The following ZNF557 variants were observed in gnomAD, a reference collection of about 807,000 sequenced individuals.
The protein encoded by ZNF557 is CTB-25J19.9.
In ZNF557, 19 loss-of-function variants were observed where a neutral mutation model predicts 21.2. The observed-to-expected ratio is 0.90, with a 90% CI of 0.63 to 1.32. The LOEUF is 1.32. Among genes scored for constraint, ZNF557 ranks in the 40% most tolerant of loss-of-function variants. The pLI, the probability that ZNF557 is intolerant of heterozygous loss-of-function variation, is 0.00. For synonymous variants in ZNF557, 207 were observed against 194.8 expected, an observed-to-expected ratio of 1.06 and a Z score of -0.52; for missense variants, 487 against 519.8, an observed-to-expected ratio of 0.94 and a Z score of 0.61.
chr19:7,070,264 A>G (rs1382289891), intron 1 of ZNF557, among the ~76,000 whole-genome samples: 1 of 152,202 alleles, frequency 6.6e-6, no homozygotes, highest in Non-Finnish European at 1.5e-5. Context: ...TAAAGTGACG[A>G]ATTTAAAGCA....
In ZNF557 at chr19:7,083,477, T is replaced by C. The variant is rs1977764976; in HGVS notation, c.1026T>C (p.His342=). The change falls in exon 8 of 8, where the codon CAT becomes CAC. Residue 342 remains histidine, a synonymous_variant. Coordinates refer to ENST00000252840, the MANE Select transcript of ZNF557 (RefSeq NM_024341.3). The part of the protein sequence containing the change: ...RSNLTQHIRT[H]TGEKPYTCNE... ...ATCTGACACAGCACATAAGAACTCA[T>C]ACTGGAGAAAAACCCTACACATGTA... The C allele has an allele frequency of 6.2e-7, 1 of 1,614,064 alleles. No individual in the cohort carries two copies. The highest frequency in any genetic ancestry group is 1.3e-5 in the African/African-American group (1 of 74,906).
At chr19:7,080,681 G>A (rs1977681800) in intron 5 of ZNF557, among the ~76,000 whole-genome samples, 1 of 152,252 alleles carries the variant, frequency 6.6e-6, no homozygotes, top group African/African-American at 2.4e-5. Flanking sequence ...GGGGAATAGA[G>A]TGTGCAGCTA....
chr19:7,083,720 G>A lies in ZNF557; in HGVS notation c.1269G>A (p.Thr423=), dbSNP rs377424039. ...FTSNSYLSVH[T]RMHNRQM Reference sequence around the variant, plus strand: ...GTAACTCCTACCTTTCTGTGCATACGAGAATGCATAATAGGCAAATGTGAA... The same window carrying A: ...GTAACTCCTACCTTTCTGTGCATACAAGAATGCATAATAGGCAAATGTGAA... Residue 423 remains threonine, a synonymous_variant, in exon 8 of 8, where the codon ACG becomes ACA. Coordinates refer to ENST00000252840, the MANE Select transcript of ZNF557 (RefSeq NM_024341.3). The A allele has an allele frequency of 1.8e-5, 29 of 1,608,674 alleles. No individual in the cohort carries two copies. The highest frequency in any genetic ancestry group is 8.9e-5 in the East Asian group (4 of 44,818).
At position 7,084,736 on chromosome 19, in the gene ZNF557, C is replaced by T. The variant is rs2352958; in HGVS notation, c.*992C>T. The T allele has an allele frequency of 0.43, 65,730 of 151,812 alleles. 14,447 individuals carry two copies. The highest frequency in any genetic ancestry group is 0.54 in the East Asian group (2,770 of 5,160). The allele number at this position is 151,812 out of a possible 1,614,324, so 9.4% of individuals were successfully genotyped here. ...TAGAGAGAAATCTTGTGAGTGTAAT[C>T]TGTATGGTAAAACTTTGAGCTCAAA... is the stretch of plus-strand genomic sequence containing the variant. On this transcript the variant is annotated 3_prime_UTR_variant, in exon 8 of 8. Transcript: ENST00000252840.
chr19:7,085,603 C>A lies in ZNF557; in HGVS notation c.*1859C>A, dbSNP rs1261885277. 4 of 152,148 alleles carry A rather than the reference C, an allele frequency of 2.6e-5. No individual in the cohort carries two copies. 9.4% of individuals were successfully genotyped at this position (152,148 alleles called of 1,614,324 possible). A position where few individuals can be genotyped will look rare whatever the true frequency, so the allele number is the denominator to read the frequency against. On this transcript the variant is annotated 3_prime_UTR_variant, in exon 8 of 8. Transcript: ENST00000252840. ...ATTTTCAGTGATTCCTCCCTTTATG[C>A]ATGAGAGAATTCATTTAGAGGAAGC...
intron 5 of ZNF557, among the ~76,000 whole-genome samples, chr19:7,077,925 T>G (rs2967663): frequency 0.86 from 131,100 of 151,942 alleles, 56,657 homozygotes; most frequent in Middle Eastern, 0.89. Flanking sequence ...TCTTTTCTTG[T>G]GCTTGTTGGC....
chr19:7,077,960 A>G (rs565745075), intron 5 of ZNF557, among the ~76,000 whole-genome samples: 2 of 152,222 alleles, frequency 1.3e-5, no homozygotes, highest in Admixed American at 1.3e-4. Flanking sequence ...TTTTGAAGAA[A>G]TGTTCATTCA....
chr19:7,081,997 G>A lies in ZNF557; in HGVS notation c.371G>A (p.Gly124Glu). 1 of 1,613,704 alleles carries A rather than the reference G, an allele frequency of 6.2e-7. No individual in the cohort carries two copies. Among genetic ancestry groups the A allele is most frequent in the Non-Finnish European group, 8.5e-7 (1 of 1,179,766 alleles). ...GTGGAGAATCCATTTAAAGCCAAAG[G>A]GTTAACTCCTAAGCTGCATGTTTTT... ...PDVENPFKAK[G>E]LTPKLHVFRK... The change falls in exon 7 of 8, where the codon GGG becomes GAG. Residue 124 changes from glycine to glutamate, a missense_variant. Gly to Glu is a moderately conservative substitution (Grantham distance 98, BLOSUM62 -2). Transcript: ENST00000252840.
At chr19:7,076,332 A>G (rs746277585) in intron 4 of ZNF557, 49 bp from the exon 5 acceptor site, 9 of 1,614,012 alleles carry the variant, frequency 5.6e-6, no homozygotes, top group Non-Finnish European at 7.6e-6. Flanking sequence ...TCCTGTGCAC[A>G]TTGGTGGGGG....
In ZNF557 at chr19:7,087,697, A is replaced by AGTGTGTGTGTGTGT. The variant is rs67706963; in HGVS notation, c.*3954_*3955insTGTGTGTGTGTGTG. ...TGGTTAAAACCAAAGAGAGAGAGAG[A>AGTGTGTGTGTGTGT]GAGAGTGTGTGTGTGTGTGTGTGTG... On this transcript the variant is annotated 3_prime_UTR_variant, in exon 8 of 8. Transcript: ENST00000252840. 2 of 147,208 alleles carry AGTGTGTGTGTGTGT rather than the reference A, an allele frequency of 1.4e-5. No individual in the cohort carries two copies. Among genetic ancestry groups the AGTGTGTGTGTGTGT allele is most frequent in the African/African-American group, 5.1e-5 (2 of 39,152 alleles). 9.1% of individuals were successfully genotyped at this position (147,208 alleles called of 1,614,324 possible). A position where few individuals can be genotyped will look rare whatever the true frequency, so the allele number is the denominator to read the frequency against.
At chr19:7,072,616 C>T (rs1187412032) in intron 2 of ZNF557, among the ~76,000 whole-genome samples, 2 of 152,160 alleles carry the variant, frequency 1.3e-5, no homozygotes, top group Non-Finnish European at 2.9e-5. Context: ...TCCTAAGCAG[C>T]TTGCTTTCCT....
At chr19:7,073,992 C>T (rs1428506712) in intron 2 of ZNF557, among the ~76,000 whole-genome samples, 1 of 127,768 alleles carries the variant, frequency 7.8e-6, no homozygotes, top group Non-Finnish European at 1.6e-5. Context: ...CCCACACACA[C>T]CCTTGACCAC....
intron 2 of ZNF557, among the ~76,000 whole-genome samples, chr19:7,072,924 C>T (rs974938217): frequency 3.9e-5 from 6 of 152,016 alleles, no homozygotes; most frequent in South Asian, 4.1e-4. Flanking sequence ...GGGTCAACGT[C>T]GGGACCCTAG....
chr19:7,070,049 T>C (rs1041268180), intron 1 of ZNF557, among the ~76,000 whole-genome samples: 12 of 152,148 alleles, frequency 7.9e-5, no homozygotes, highest in African/African-American at 2.9e-4. Flanking sequence ...GTGCTACTAC[T>C]GTAATCTAGA....
At chr19:7,070,286 C>T (rs192267575) in intron 1 of ZNF557, among the ~76,000 whole-genome samples, 1 of 152,166 alleles carries the variant, frequency 6.6e-6, no homozygotes, top group South Asian at 2.1e-4. Flanking sequence ...CTGGAGTCAC[C>T]ATACAATCTC....
intron 2 of ZNF557, among the ~76,000 whole-genome samples, chr19:7,074,328 A>G (rs188165487): frequency 3.3e-5 from 2 of 59,906 alleles, no homozygotes; most frequent in Admixed American, 1.8e-4. Flanking sequence ...CTTTGTGTGT[A>G]TATACACACA....
intron 5 of ZNF557, among the ~76,000 whole-genome samples, chr19:7,080,931 G>A (rs1320984083): frequency 3.3e-5 from 5 of 152,184 alleles, no homozygotes; most frequent in Non-Finnish European, 7.3e-5. Context: ...TCCTAGGTCT[G>A]TGCTGGGATG....
chr19:7,075,666 C>A lies in ZNF557; in HGVS notation c.43C>A (p.Leu15Met). Residue 15 changes from leucine (L) to methionine (M), a missense_variant, in exon 4 of 8, where the codon CTG becomes ATG. Coordinates refer to ENST00000252840, the MANE Select transcript of ZNF557 (RefSeq NM_024341.3). ...VLPPTAALSSLFPASQREGHT... is the reference protein window; with the variant it reads ...VLPPTAALSSMFPASQREGHT... The stretch of plus-strand genomic sequence containing the variant: ...TTCTCCTCCTCCAGCTCTGTCTTCC[C>A]TGTTCCCAGCCTCTCAGCGAGAAGG... The A allele has an allele frequency of 6.2e-7, 1 of 1,613,638 alleles. No individual in the cohort carries two copies. Among genetic ancestry groups the A allele is most frequent in the African/African-American group, 1.3e-5 (1 of 75,020 alleles).
chr19:7,077,132 C>CTTT (rs4031071), intron 5 of ZNF557, among the ~76,000 whole-genome samples: 21,270 of 78,196 alleles, frequency 0.27, 4,425 homozygotes, highest in South Asian at 0.44. Context: ...TGTTTTCTTT[C>CTTT]TTTTTTTTTT....
Sources: allele counts gnomAD v4.1 joint callset (sites outside exome capture counted in the v4.1 genomes callset), GRCh38; gene constraint gnomAD v4.1.1; transcripts MANE v1.5; gene names NCBI Gene and HGNC (gene_info 2026-07-23, HGNC 2026-07-21).